RASAL2: variants seen among roughly 807,000 people sequenced by gnomAD.
RASAL2 encodes ras GTPase-activating protein nGAP.
In RASAL2, 58 loss-of-function variants were observed where a neutral mutation model predicts 128.9. The ratio of observed to expected loss-of-function variants is 0.45; its 90% CI spans 0.36 to 0.56. The LOEUF (loss-of-function observed/expected upper bound fraction) is 0.56. Ranked by LOEUF, RASAL2 falls within the 20% of genes least tolerant of loss-of-function variation. The pLI, the probability that RASAL2 is intolerant of heterozygous loss-of-function variation, is 0.00. For missense variants in RASAL2, 1,360 were observed against 1,601.6 expected, an observed-to-expected ratio of 0.85 and a Z score of 2.57; for synonymous variants, 561 against 580.8, an observed-to-expected ratio of 0.97 and a Z score of 0.49.
rs779061978 is a variant in RASAL2, at chr1:178,094,468, C to A, written c.-25C>A. ...CCAGCCCGCCCCGAAGCCGCCGCCT[C>A]GTCCCCCTCCCGCCTCGGGGCACCA... On this transcript the variant is annotated 5_prime_UTR_variant, in exon 1 of 18. Transcript: ENST00000367649. 6.5e-7 allele frequency: 1 copy of A among 1,527,348 alleles called. No homozygotes were observed. The highest frequency in any genetic ancestry group is 8.8e-7 in the Non-Finnish European group (1 of 1,137,652). 94.6% of individuals were successfully genotyped at this position (1,527,348 alleles called of 1,614,324 possible).
In RASAL2 at chr1:178,094,629, G is replaced by A. The variant is rs1658602406; in HGVS notation, c.137G>A (p.Gly46Asp). ...GTCCCAGTCAGTGGAGCCGTCGCCG[G>A]TGGCATGTTGGATCGGATCCTTCTG... is the stretch of plus-strand genomic sequence containing the variant. ...AVVPVSGAVA[G>D]GMLDRILLES... The change falls in exon 1 of 18, where the codon GGT (glycine) becomes GAT (aspartate). Residue 46 changes from glycine to aspartate, a missense_variant. Physicochemically the swap from Gly to Asp is moderately conservative, Grantham distance 94. Coordinates refer to ENST00000367649, the MANE Select transcript of RASAL2 (RefSeq NM_170692.4). 6.2e-7 allele frequency: 1 copy of A among 1,613,776 alleles called. No individual in the cohort carries two copies. Among genetic ancestry groups the A allele is most frequent in the South Asian group, 1.1e-5 (1 of 91,008 alleles).
chr1:178,337,972 T>G (rs1052629446), intron 3 of RASAL2, among the ~76,000 whole-genome samples: 3 of 151,936 alleles, frequency 2.0e-5, no homozygotes, highest in African/African-American at 7.3e-5. Context: ...CCTCAGGTGA[T>G]CCACCCACCT....
At chr1:178,152,710 A>C (rs1390256394) in intron 1 of RASAL2, among the ~76,000 whole-genome samples, 2 of 152,174 alleles carry the variant, frequency 1.3e-5, no homozygotes, top group Non-Finnish European at 2.9e-5. Flanking sequence ...TTTTCGGTAG[A>C]AAATTTTATA....
chr1:178,405,625 G>C (rs940839927), intron 4 of RASAL2, among the ~76,000 whole-genome samples: 2 of 152,234 alleles, frequency 1.3e-5, no homozygotes, highest in African/African-American at 4.8e-5. Context: ...AAAGGCATAA[G>C]ACAGATTCTC....
chr1:178,198,967 G>GCT (rs1662770129), intron 1 of RASAL2, among the ~76,000 whole-genome samples: 1 of 152,162 alleles, frequency 6.6e-6, no homozygotes, highest in Admixed American at 6.5e-5. Flanking sequence ...GCTGCGGTGG[G>GCT]CTCCACCCAG....
At chr1:178,139,017 G>A (rs968713326) in intron 1 of RASAL2, among the ~76,000 whole-genome samples, 1 of 152,014 alleles carries the variant, frequency 6.6e-6, no homozygotes, top group Admixed American at 6.6e-5. Flanking sequence ...TAAATTCCTT[G>A]TTGTTATAGA....
intron 1 of RASAL2, among the ~76,000 whole-genome samples, chr1:178,150,820 C>CGGGAA (rs1228482712): frequency 6.6e-6 from 1 of 152,072 alleles, no homozygotes; most frequent in Admixed American, 6.5e-5. Flanking sequence ...TTCATCTTCC[C>CGGGAA]AGATGAGGTG....
intron 1 of RASAL2, among the ~76,000 whole-genome samples, chr1:178,160,061 C>CTT (rs932032437): frequency 6.9e-6 from 1 of 144,776 alleles, no homozygotes; most frequent in East Asian, 2.0e-4. Context: ...TTCTTTCTTT[C>CTT]TTTTTTTTTT....
intron 1 of RASAL2, among the ~76,000 whole-genome samples, chr1:178,152,778 C>A (rs931099442): frequency 2.0e-5 from 3 of 152,174 alleles, no homozygotes; most frequent in Non-Finnish European, 4.4e-5. Flanking sequence ...TACTCAGCTT[C>A]AACAGTGGTC....
intron 3 of RASAL2, among the ~76,000 whole-genome samples, chr1:178,351,528 A>G (rs187405683): frequency 1.2e-3 from 188 of 152,184 alleles, no homozygotes; most frequent in African/African-American, 4.0e-3. Flanking sequence ...TCAGGAGATC[A>G]AGACCATCCT....
intron 9 of RASAL2, among the ~76,000 whole-genome samples, chr1:178,447,881 TA>T (rs199672021): frequency 0.034 from 5,228 of 151,998 alleles, 113 homozygotes; most frequent in Non-Finnish European, 0.051. Context: ...TGTGAGTGAC[TA>T]GGGGGATGAT....
intron 1 of RASAL2, among the ~76,000 whole-genome samples, chr1:178,116,348 A>G (rs1292846457): frequency 6.6e-6 from 1 of 152,214 alleles, no homozygotes; most frequent in African/African-American, 2.4e-5. Flanking sequence ...TGGTTTCTTC[A>G]GTGAACACAT....
At chr1:178,466,778 T>C (rs1647745182) in intron 16 of RASAL2, among the ~76,000 whole-genome samples, 1 of 152,212 alleles carries the variant, frequency 6.6e-6, no homozygotes, top group Non-Finnish European at 1.5e-5. Flanking sequence ...CCTCAATATT[T>C]GTAAAATGCT....
At chr1:178,433,507 T>C (rs1676061172) in intron 5 of RASAL2, among the ~76,000 whole-genome samples, 1 of 152,130 alleles carries the variant, frequency 6.6e-6, no homozygotes, top group African/African-American at 2.4e-5. Flanking sequence ...TGACCCATAA[T>C]GCACACCAGG....
intron 1 of RASAL2, among the ~76,000 whole-genome samples, chr1:178,274,872 T>C (rs1218866874): frequency 3.9e-5 from 6 of 152,202 alleles, no homozygotes; most frequent in Non-Finnish European, 8.8e-5. Flanking sequence ...ATTACAGGCA[T>C]GAGCCACCGT....
intron 3 of RASAL2, among the ~76,000 whole-genome samples, chr1:178,314,662 T>C (rs1216834121): frequency 6.6e-6 from 1 of 152,224 alleles, no homozygotes; most frequent in East Asian, 1.9e-4. Context: ...ATTTTTAGTG[T>C]TTCTCTGTGA....
At position 178,429,354 on chromosome 1, in the gene RASAL2, T is replaced by C. The variant is rs537811902; in HGVS notation, c.674+8734T>C. Among the ~76,000 whole-genome samples the C allele has an allele frequency of 2.6e-5, 4 of 152,254 alleles. No homozygotes were observed. In the South Asian group the frequency reaches 8.3e-4, roughly 32 times the overall value. On this transcript the variant is annotated intron_variant, in intron 5 of 17. Coordinates refer to ENST00000367649, the MANE Select transcript of RASAL2 (RefSeq NM_170692.4). The stretch of plus-strand genomic sequence containing the variant: ...AGATGGAATCAAACCCTGCCCTCTA[T>C]GTATCTTTTACCCTTCTCCCTTGTA...
At position 178,094,221 on chromosome 1, in the gene RASAL2, A is replaced by ACACACCTGAGCCCGGACCCACC; in HGVS notation, c.-270_-249dup. On this transcript the variant is annotated 5_prime_UTR_variant, in exon 1 of 18. Coordinates refer to ENST00000367649, the MANE Select transcript of RASAL2 (RefSeq NM_170692.4). ...GCGTCCTCTCCCGGGAGGGACCCAC[A>ACACACCTGAGCCCGGACCCACC]CACACCTGAGCCCGGACCCACCCTT... is the stretch of plus-strand genomic sequence containing the variant. 1 of 491,164 alleles carries ACACACCTGAGCCCGGACCCACC rather than the reference A, an allele frequency of 2.0e-6. No individual in the cohort carries two copies. The highest frequency in any genetic ancestry group is 3.6e-6 in the Non-Finnish European group (1 of 280,586). 30.4% of individuals were successfully genotyped at this position (491,164 alleles called of 1,614,324 possible).
At chr1:178,387,629 G>GT (rs971690839) in intron 3 of RASAL2, among the ~76,000 whole-genome samples, 2 of 151,896 alleles carry the variant, frequency 1.3e-5, no homozygotes, top group East Asian at 1.9e-4. Context: ...GCAGTGTTTG[G>GT]TTTTTTGTCC....
Sources: gnomAD v4.1 joint callset for allele counts (sites outside exome capture counted in the v4.1 genomes callset) on GRCh38, gnomAD v4.1.1 for gene constraint, MANE v1.5 for transcripts, NCBI Gene and HGNC (gene_info 2026-07-23, HGNC 2026-07-21) for gene names.